SEM1: variants seen among roughly 807,000 people sequenced by gnomAD.
SEM1 encodes the protein 26S proteasome complex subunit SEM1.
In SEM1, 3 loss-of-function variants were observed where a neutral mutation model predicts 12.7. The observed-to-expected ratio is 0.24, with a 90% CI of 0.11 to 0.61. SEM1 has a LOEUF of 0.61. SEM1 is among the 20% of genes least tolerant of loss of function. The pLI, the probability that SEM1 is intolerant of heterozygous loss-of-function variation, is 0.88. For missense variants in SEM1, 59 were observed against 81.3 expected (o/e 0.73, Z 1.06); for synonymous variants, 30 against 27.8 (o/e 1.08, Z -0.25).
intron 2 of SEM1, among the ~76,000 whole-genome samples, chr7:96,616,872 T>C (rs1807737966): frequency 6.6e-6 from 1 of 152,186 alleles, no homozygotes; most frequent in Non-Finnish European, 1.5e-5. Flanking sequence ...TATGTCTTTA[T>C]TACTGGTTCT....
intron 2 of SEM1, among the ~76,000 whole-genome samples, chr7:96,540,953 A>T (rs1179203466): frequency 6.6e-6 from 1 of 151,880 alleles, no homozygotes; most frequent in Non-Finnish European, 1.5e-5. Context: ...TCCACAGCAT[A>T]TATGGACCAC....
chr7:96,607,276 C>T (rs932405571), intron 2 of SEM1, among the ~76,000 whole-genome samples: 9 of 152,110 alleles, frequency 5.9e-5, no homozygotes, highest in Non-Finnish European at 1.2e-4. Context: ...TCATGATAGG[C>T]AGTTTTGTCT....
intron 2 of SEM1, among the ~76,000 whole-genome samples, chr7:96,533,829 A>G (rs1446342852): frequency 6.6e-6 from 1 of 152,036 alleles, no homozygotes; most frequent in Non-Finnish European, 1.5e-5. Flanking sequence ...AAGTGCCAGT[A>G]CCTTAGTTTG....
At chr7:96,507,114 A>C (rs532504376) in intron 2 of SEM1, among the ~76,000 whole-genome samples, 1 of 152,206 alleles carries the variant, frequency 6.6e-6, no homozygotes, top group African/African-American at 2.4e-5. Flanking sequence ...GAATATATGA[A>C]ATACAGGAAG....
At chr7:96,689,926 T>C (rs865814545) in intron 2 of SEM1, among the ~76,000 whole-genome samples, 5 of 152,140 alleles carry the variant, frequency 3.3e-5, no homozygotes, top group Admixed American at 6.5e-5. Flanking sequence ...AAACTGGAGA[T>C]TATAGTATCT....
chr7:96,596,286 T>A (rs892864381), intron 2 of SEM1, among the ~76,000 whole-genome samples: 15 of 152,218 alleles, frequency 9.9e-5, no homozygotes, highest in African/African-American at 3.1e-4. Flanking sequence ...CCTTTTCACA[T>A]GGCAGTAATA....
At chr7:96,590,339 A>T (rs1018947576) in intron 2 of SEM1, among the ~76,000 whole-genome samples, 1 of 152,182 alleles carries the variant, frequency 6.6e-6, no homozygotes, top group African/African-American at 2.4e-5. Context: ...AGAAATTCAG[A>T]TTCAGCTAGG....
At chr7:96,524,387 T>C (rs1194421574) in intron 2 of SEM1, among the ~76,000 whole-genome samples, 1 of 152,188 alleles carries the variant, frequency 6.6e-6, no homozygotes, top group Non-Finnish European at 1.5e-5. Flanking sequence ...GTACAGCTAT[T>C]GCACACTAAA....
chr7:96,517,712 A>G (rs1804140372), intron 2 of SEM1, among the ~76,000 whole-genome samples: 1 of 152,130 alleles, frequency 6.6e-6, no homozygotes, highest in African/African-American at 2.4e-5. Flanking sequence ...GTCATGGTGA[A>G]TATTTCCTCC....
chr7:96,681,572 G>A (rs1475620663), intron 2 of SEM1, among the ~76,000 whole-genome samples: 1 of 152,136 alleles, frequency 6.6e-6, no homozygotes, highest in East Asian at 1.9e-4. Context: ...TAAGGTGTAA[G>A]GAAGGGATCC....
At chr7:96,600,965 C>T (rs1807180361) in intron 2 of SEM1, among the ~76,000 whole-genome samples, 1 of 152,166 alleles carries the variant, frequency 6.6e-6, no homozygotes, top group South Asian at 2.1e-4. Context: ...CTTTTGAAAT[C>T]TGGAATAGAA....
intron 2 of SEM1, among the ~76,000 whole-genome samples, chr7:96,551,705 CAAA>C (rs56316029): frequency 7.1e-5 from 6 of 84,058 alleles, no homozygotes; most frequent in South Asian, 4.0e-4. Context: ...GACTCTGTCT[CAAA>C]AAAAAAAAAA....
intron 2 of SEM1, among the ~76,000 whole-genome samples, chr7:96,605,435 G>A (rs1014012890): frequency 8.5e-5 from 13 of 152,102 alleles, no homozygotes; most frequent in African/African-American, 3.1e-4. Context: ...CTCTATTTTT[G>A]GCACTGGGTG....
intron 2 of SEM1, among the ~76,000 whole-genome samples, chr7:96,588,149 G>A (rs539018923): frequency 3.2e-4 from 48 of 150,656 alleles, no homozygotes; most frequent in Middle Eastern, 3.4e-3. Context: ...TGGAAGGATC[G>A]CTTGAGCCCA....
chr7:96,549,801 T>C (rs1805210801), intron 2 of SEM1, among the ~76,000 whole-genome samples: 1 of 151,862 alleles, frequency 6.6e-6, no homozygotes, highest in African/African-American at 2.4e-5. Flanking sequence ...ATGGACAGGG[T>C]GGGGTGGGAT....
At chr7:96,488,012 G>T (rs925170085) in intron 1 of SEM1, among the ~76,000 whole-genome samples, 2 of 140,380 alleles carry the variant, frequency 1.4e-5, no homozygotes, top group African/African-American at 6.6e-5. Flanking sequence ...CTTCTTGTAA[G>T]AAGATATCCG....
intron 2 of SEM1, among the ~76,000 whole-genome samples, chr7:96,541,471 T>G (rs1804953159): frequency 5.4e-5 from 8 of 148,994 alleles, no homozygotes; most frequent in Admixed American, 5.4e-4. Context: ...CTGAATTGTT[T>G]AAGTTCCTTA....
chr7:96,505,559 A>G (rs913165598), intron 3 of SEM1, among the ~76,000 whole-genome samples: 1 of 152,090 alleles, frequency 6.6e-6, no homozygotes, highest in Non-Finnish European at 1.5e-5. Flanking sequence ...TGCATTTCCT[A>G]TTTTGTTGCT....
intron 2 of SEM1, among the ~76,000 whole-genome samples, chr7:96,575,531 G>A (rs1428810335): frequency 6.6e-6 from 1 of 152,228 alleles, no homozygotes; most frequent in African/African-American, 2.4e-5. Flanking sequence ...ATAGACAGCA[G>A]GCAGGAACAT....
Sources: allele counts gnomAD v4.1 joint callset (sites outside exome capture counted in the v4.1 genomes callset), GRCh38; gene constraint gnomAD v4.1.1; transcripts MANE v1.5; gene names NCBI Gene and HGNC (gene_info 2026-07-23, HGNC 2026-07-21).